The following LAMA5 variants were observed in gnomAD, a reference collection of about 807,000 sequenced individuals.
The protein encoded by LAMA5 is laminin subunit alpha 5, also known as laminin subunit alpha-5.
Under a neutral mutation model 433.4 loss-of-function variants are expected in LAMA5, and 260 were observed. The observed-to-expected ratio is 0.60, with a 90% CI of 0.54 to 0.66. LAMA5 has a LOEUF of 0.66. Among genes scored for constraint, LAMA5 ranks in the 30% least tolerant of loss-of-function variants. The pLI is 0.00. For missense variants in LAMA5, 5,378 were observed against 5,258.5 expected (o/e 1.02, Z -0.70); for synonymous variants, 2,620 against 2,226.6 (o/e 1.18, Z -4.97).
chr20:62,347,402 C>A (rs1001456489), intron 6 of LAMA5, among the ~76,000 whole-genome samples: 1 of 152,108 alleles, frequency 6.6e-6, no homozygotes, highest in Non-Finnish European at 1.5e-5. Context: ...AGGATGGAGA[C>A]CTGCGTTCTC....
In LAMA5 at chr20:62,352,472, C is replaced by T. The variant is rs530886450; in HGVS notation, c.569-112G>A. 579 of 778,172 alleles carry T rather than the reference C, an allele frequency of 7.4e-4. 1 individual carries two copies. The highest frequency in any genetic ancestry group is 9.5e-4 in the Non-Finnish European group (451 of 476,878). The allele number at this position is 778,172 out of a possible 1,614,324, so 48.2% of individuals were successfully genotyped here. A position where few individuals can be genotyped will look rare whatever the true frequency, so the allele number is the denominator to read the frequency against. On this transcript the variant is annotated intron_variant, in intron 3 of 79. Transcript: ENST00000252999. ...CCTTGCCACTGAGGCTCCCACAGGC[C>T]AAGAGGCCGCGTGACAGAGACCACA...
Position 62,359,404 on chromosome 20 carries a change from G to T in LAMA5, c.450+2996C>A, listed in dbSNP as rs1985703944. On this transcript the variant is annotated intron_variant, in intron 2 of 79. Coordinates refer to ENST00000252999, the MANE Select transcript of LAMA5 (RefSeq NM_005560.6). This position sits in a 1 kb window ranked among gnomAD's most constrained non-coding sequence, Gnocchi z 4.3. ...CTGGACCCTGCGGCAGAGCCAGGGG[G>T]TGGGGGAGCTCAAGCCAGGACCCGC... Among the ~76,000 whole-genome samples, 1 of 152,156 alleles carries T rather than the reference G, an allele frequency of 6.6e-6. No individual in the cohort carries two copies. The highest frequency in any genetic ancestry group is 2.4e-5 in the African/African-American group (1 of 41,432).
Position 62,337,730 on chromosome 20 carries a change from G to A in LAMA5, c.2027-3C>T, listed in dbSNP as rs769678733. 4.4e-6 allele frequency: 7 copies of A among 1,608,436 alleles called. No individual in the cohort carries two copies. The highest frequency in any genetic ancestry group is 1.1e-5 in the South Asian group (1 of 90,626). ...GCCTTCAGCAGAGCAGTGGCAGGCT[G>A]CAGACAAGGATAGCTGTGGGCACGC... On this transcript the variant is annotated splice_region_variant and splice_polypyrimidine_tract_variant and intron_variant, in intron 15 of 79. Coordinates refer to ENST00000252999, the MANE Select transcript of LAMA5 (RefSeq NM_005560.6).
intron 11 of LAMA5, among the ~76,000 whole-genome samples, chr20:62,344,816 C>G (rs555399979): frequency 1.3e-5 from 2 of 151,946 alleles, no homozygotes; most frequent in Admixed American, 6.6e-5. Context: ...CCTAGATTTC[C>G]AACCACTGGG....
intron 7 of LAMA5, 27 bp downstream of exon 7, chr20:62,346,886 C>T (rs1393290020): frequency 6.2e-7 from 1 of 1,610,490 alleles, no homozygotes; most frequent in African/African-American, 1.3e-5. Context: ...GTGGGCAGGA[C>T]ACACGTGTGT....
chr20:62,318,995 C>T lies in LAMA5; in HGVS notation c.6890G>A (p.Gly2297Asp), dbSNP rs1987361183. 1.3e-6 allele frequency: 2 copies of T among 1,587,276 alleles called. No homozygotes were observed. Among genetic ancestry groups the T allele is most frequent in the Admixed American group, 1.8e-5 (1 of 56,458 alleles). Residue 2297 changes from glycine to aspartate, a missense_variant, in exon 52 of 80, where the codon GGC (glycine) becomes GAC (aspartate). By Grantham distance (94) the Gly-to-Asp change is moderately conservative. Transcript: ENST00000252999. Reference sequence around the variant, plus strand: ...CGAGGCATTGGCCAGCCCCAGGTGGCCCGTCTGGGACATGAGCTCTGTGGG... The same window carrying T: ...CGAGGCATTGGCCAGCCCCAGGTGGTCCGTCTGGGACATGAGCTCTGTGGG... ...RTLSELMSQT[G>D]HLGLANASAP...
intron 1 of LAMA5, among the ~76,000 whole-genome samples, chr20:62,365,753 T>C (rs1016577735): frequency 2.6e-5 from 4 of 152,164 alleles, no homozygotes; most frequent in Non-Finnish European, 2.9e-5. Context: ...TCCAAGCAGG[T>C]GTCAGCAGCT....
rs374792052 is a variant in LAMA5, at chr20:62,322,360, G to A, written c.6255C>T (p.Ser2085=). 948 of 1,592,772 alleles carry A rather than the reference G, an allele frequency of 6.0e-4. 3 individuals are homozygous for A. The highest frequency in any genetic ancestry group is 4.1e-3 in the South Asian group (365 of 88,448). The stretch of plus-strand genomic sequence containing the variant: ...TCCCTGGTCGGCAGTGGCACTGTCC[G>A]CTCTGGGGGTGGCACTCGGAGCCCT... ...AAEGSECHPQ[S]GQCHCRPGTM... The change falls in exon 47 of 80, where the codon AGC becomes AGT. Residue 2085 remains serine (S), a synonymous_variant. Transcript: ENST00000252999.
intron 53 of LAMA5, 52 bp downstream of exon 53, chr20:62,318,402 A>AGGAGGCGGGAAG: frequency 7.1e-7 from 1 of 1,410,674 alleles, no homozygotes; most frequent in East Asian, 2.3e-5. Flanking sequence ...GAGGGATTGC[A>AGGAGGCGGGAAG]GGGAGGAGGC....
rs778743106 is a variant in LAMA5, at chr20:62,319,690, GGGT to G, written c.6862_6864del (p.Thr2288del). ...TGGCTGGGCTGGCCCCTACCGCTCA[GGGT>G]GCGGTCCACAGCCCGGATGGCCGCC... On this transcript the variant is annotated inframe_deletion, in exon 51 of 80. Coordinates refer to ENST00000252999, the MANE Select transcript of LAMA5 (RefSeq NM_005560.6). 1.9e-6 allele frequency: 3 copies of G among 1,540,106 alleles called. No homozygotes were observed. In the South Asian group the frequency reaches 3.6e-5, roughly 18 times the overall value.
Position 62,346,093 on chromosome 20 carries a change from G to A in LAMA5, c.1405C>T (p.Pro469Ser). The change falls in exon 10 of 80, where the codon CCA becomes TCA. Residue 469 changes from proline (P) to serine (S), a missense_variant. By Grantham distance (74) the Pro-to-Ser change is moderately conservative. Coordinates refer to ENST00000252999, the MANE Select transcript of LAMA5 (RefSeq NM_005560.6). Reference protein sequence around the residue: ...DVCAEGFTGFPSCYPTPSSSN... With the variant: ...DVCAEGFTGFSSCYPTPSSSN... ...GGCAGGTGCTCACGGTAGCAGCTTG[G>A]GAAGCCCGTGAAGCCCTCGGCACAC... 1.2e-6 allele frequency: 2 copies of A among 1,613,006 alleles called. No individual in the cohort carries two copies. Among genetic ancestry groups the A allele is most frequent in the Non-Finnish European group, 1.7e-6 (2 of 1,179,990 alleles).
rs768141178 is a variant in LAMA5 at position 62,322,343 on chromosome 20, C to T, written c.6272G>A (p.Arg2091Gln). The T allele has an allele frequency of 2.4e-5, 38 of 1,596,284 alleles. No individual in the cohort carries two copies. The highest frequency in any genetic ancestry group is 6.9e-5 in the Admixed American group (4 of 58,062). The part of the protein sequence containing the change: ...CHPQSGQCHC[R>Q]PGTMGPQCRE... Reference sequence around the variant, plus strand: ...GCACTGGGGTCCCATGGTCCCTGGTCGGCAGTGGCACTGTCCGCTCTGGGG... The same window carrying T: ...GCACTGGGGTCCCATGGTCCCTGGTTGGCAGTGGCACTGTCCGCTCTGGGG... Residue 2091 changes from arginine (R) to glutamine (Q), a missense_variant, in exon 47 of 80, where the codon CGA (arginine) becomes CAA (glutamine). Arg to Gln is a conservative substitution (Grantham distance 43). Coordinates refer to ENST00000252999, the MANE Select transcript of LAMA5 (RefSeq NM_005560.6).
At position 62,324,503 on chromosome 20, in the gene LAMA5, A is replaced by G; in HGVS notation, c.5581T>C (p.Cys1861Arg). The change falls in exon 42 of 80, where the codon TGT becomes CGT. Residue 1861 changes from cysteine (C) to arginine (R), a missense_variant. Cys to Arg is a radical substitution (Grantham distance 180). Transcript: ENST00000252999. This position sits in a 1 kb window ranked among gnomAD's most constrained non-coding sequence, Gnocchi z 4.4. ...RDVKGLFLGR[C>R]VPCQCHGHSD... Reference sequence around the variant, plus strand: ...TGTCCATGGCACTGACAAGGGACACATCGGCCCAGGAAGAGACCTTTGACG... The same window carrying G: ...TGTCCATGGCACTGACAAGGGACACGTCGGCCCAGGAAGAGACCTTTGACG... The G allele has an allele frequency of 1.2e-6, 2 of 1,612,452 alleles. No homozygotes were observed. Among genetic ancestry groups the G allele is most frequent in the Non-Finnish European group, 1.7e-6 (2 of 1,179,838 alleles).
intron 34 of LAMA5, 89 bp downstream of exon 34, chr20:62,328,755 C>G: frequency 7.6e-7 from 1 of 1,315,204 alleles, no homozygotes. Flanking sequence ...CTAGAACATT[C>G]TCCTGACCCT....
rs577997236 is a variant in LAMA5 at position 62,346,271 on chromosome 20, C to G, written c.1283-56G>C. ...GAGCTACCAGGACTCAAGGGGTGGG[C>G]TCCAAGATGTGGCAGTCTCTACCTC... On this transcript the variant is annotated intron_variant, in intron 9 of 79. Transcript: ENST00000252999. The G allele has an allele frequency of 7.0e-6, 11 of 1,568,454 alleles. No individual in the cohort carries two copies. In the African/African-American group the frequency reaches 1.5e-4, roughly 21 times the overall value.
chr20:62,329,997 G>C (rs1426944513), intron 31 of LAMA5, 81 bp from the exon 32 acceptor site: 3 of 1,529,386 alleles, frequency 2.0e-6, no homozygotes, highest in Non-Finnish European at 2.6e-6. Flanking sequence ...TGGCAGCGTT[G>C]GGGCAGCCAA....
At chr20:62,315,803 G>A (rs6062213) in intron 58 of LAMA5, 145 bp downstream of exon 58, 2 of 647,060 alleles carry the variant, frequency 3.1e-6, no homozygotes, top group East Asian at 2.7e-5. Flanking sequence ...CTCCCTGGTA[G>A]GCTTTCTGTG....
intron 11 of LAMA5, among the ~76,000 whole-genome samples, chr20:62,344,337 A>G (rs942740306): frequency 6.6e-6 from 1 of 151,974 alleles, no homozygotes; most frequent in Non-Finnish European, 1.5e-5. Flanking sequence ...CATGGCTCTG[A>G]CTTGAGAATA....
chr20:62,317,610 G>C, intron 54 of LAMA5, 52 bp downstream of exon 54: 2 of 1,519,494 alleles, frequency 1.3e-6, no homozygotes, highest in Non-Finnish European at 1.8e-6. Context: ...ACGGGCCTGG[G>C]AGGGAGTTGG....
Sources: allele counts gnomAD v4.1 joint callset (sites outside exome capture counted in the v4.1 genomes callset), GRCh38; gene constraint gnomAD v4.1.1; non-coding constraint Gnocchi (gnomAD v3.1); transcripts MANE v1.5; gene names NCBI Gene and HGNC (gene_info 2026-07-23, HGNC 2026-07-21).